WDPCP: variants seen among roughly 807,000 people sequenced by gnomAD.
WDPCP encodes WD repeat containing planar cell polarity effector.
A neutral mutation model predicts 93.1 loss-of-function variants in WDPCP; 71 were observed. The ratio of observed to expected loss-of-function variants is 0.76; its 90% CI spans 0.63 to 0.93. WDPCP has a LOEUF of 0.93. Ranked by LOEUF, WDPCP falls within the 40% of genes least tolerant of loss-of-function variation. The pLI, the probability that WDPCP is intolerant of heterozygous loss-of-function variation, is 0.00. For missense variants in WDPCP, 844 were observed against 887.4 expected (o/e 0.95, Z 0.62); for synonymous variants, 315 against 315.0 (o/e 1.00, Z 0.00).
chr2:63,453,959 G>GGCT (rs1698449492), intron 6 of WDPCP, among the ~76,000 whole-genome samples: 1 of 116,786 alleles, frequency 8.6e-6, no homozygotes, highest in African/African-American at 3.5e-5. Flanking sequence ...TGGGGTGGGG[G>GGCT]GAGGGAGGAG....
chr2:63,373,016 C>T (rs549677766), intron 12 of WDPCP, among the ~76,000 whole-genome samples: 5 of 151,940 alleles, frequency 3.3e-5, no homozygotes, highest in East Asian at 3.9e-4. Context: ...CTAGCTACCT[C>T]GGAGGATGAG....
At chr2:63,645,182 A>G in intron 3 of WDPCP, among the ~76,000 whole-genome samples, 1 of 152,034 alleles carries the variant, frequency 6.6e-6, no homozygotes, top group East Asian at 1.9e-4. Context: ...CTGTACCACA[A>G]AGGTTTTGGT....
Position 63,681,845 on chromosome 2 carries a change from C to T in WDPCP, n.309-31007G>A, listed in dbSNP as rs28775973. 3.0e-3 allele frequency among the ~76,000 whole-genome samples: 462 copies of T among 152,288 alleles called. 3 individuals are homozygous for T. The highest frequency in any genetic ancestry group is 0.011 in the African/African-American group (441 of 41,552). On this transcript the variant is annotated intron_variant and non_coding_transcript_variant, in intron 2 of 4. Transcript: ENST00000467687. ...CCAGGTGGCTTACCACAGAGAGAGA[C>T]CCTCCCTTTGTTTGAGAGAAAGTAA...
At chr2:63,593,516 C>T, upstream of WDPCP, 1 of 470,140 alleles carries the variant, frequency 2.1e-6, no homozygotes, top group Admixed American at 2.4e-5. Flanking sequence ...CGAGGCTATC[C>T]ATCCTTGTTT....
the WDPCP span, among the ~76,000 whole-genome samples, chr2:63,835,442 G>T: frequency 6.8e-6 from 1 of 147,360 alleles, no homozygotes; most frequent in African/African-American, 2.5e-5. Context: ...GAGAACTTCA[G>T]TCATTAAGAG....
intron 2 of WDPCP, among the ~76,000 whole-genome samples, chr2:63,723,344 C>T (rs1442147687): frequency 6.6e-6 from 1 of 151,422 alleles, no homozygotes; most frequent in African/African-American, 2.4e-5. Context: ...TTGGCTAATT[C>T]CTGCTTACTC....
At chr2:63,124,747 T>C (rs1317146739) in intron 17 of WDPCP, among the ~76,000 whole-genome samples, 1 of 152,244 alleles carries the variant, frequency 6.6e-6, no homozygotes, top group Non-Finnish European at 1.5e-5. Context: ...TAAAACTCCC[T>C]AATCTGAAAT....
chr2:63,727,891 T>G (rs1310413143), intron 2 of WDPCP, among the ~76,000 whole-genome samples: 1 of 152,208 alleles, frequency 6.6e-6, no homozygotes, highest in African/African-American at 2.4e-5. Flanking sequence ...ATTGTGTTTT[T>G]TGGATCTTCT....
At chr2:63,730,570 T>A (rs960849600) in intron 2 of WDPCP, among the ~76,000 whole-genome samples, 3 of 152,090 alleles carry the variant, frequency 2.0e-5, no homozygotes, top group Non-Finnish European at 4.4e-5. Context: ...TTCAAGTGAT[T>A]CTCCTGCCTT....
At chr2:63,505,523 C>T (rs1187008369) in intron 1 of WDPCP, among the ~76,000 whole-genome samples, 1 of 151,942 alleles carries the variant, frequency 6.6e-6, no homozygotes, top group Non-Finnish European at 1.5e-5. Flanking sequence ...CCATGTTTTG[C>T]CCTAAAGCCC....
chr2:63,480,831 G>C (rs1011111260), intron 6 of WDPCP, among the ~76,000 whole-genome samples: 2 of 152,070 alleles, frequency 1.3e-5, no homozygotes, highest in East Asian at 3.9e-4. Context: ...CTTAGGCAAG[G>C]ATTTCATGAC....
chr2:63,721,673 C>G (rs1228136584), intron 2 of WDPCP, among the ~76,000 whole-genome samples: 1 of 152,024 alleles, frequency 6.6e-6, no homozygotes, highest in African/African-American at 2.4e-5. Context: ...GCCATTCCCT[C>G]TACTTAGAAT....
Position 63,484,625 on chromosome 2 carries a change from C to G in WDPCP, c.363G>C (p.Trp121Cys). 6.2e-7 allele frequency: 1 copy of G among 1,612,886 alleles called. No individual in the cohort carries two copies. Residue 121 changes from tryptophan (W) to cysteine (C), a missense_variant, in exon 6 of 18, where the codon TGG (tryptophan) becomes TGC (cysteine). Transcript: ENST00000272321. ...MQNSRCVLSK[W>C]KNKYVCQLLF... ...TTACCTGACAGACATATTTGTTCTT[C>G]CATTTGCTCAGCACACACCGACTGT... is the stretch of plus-strand genomic sequence containing the variant.
chr2:63,190,101 G>A (rs1389010280), intron 14 of WDPCP, among the ~76,000 whole-genome samples: 2 of 151,884 alleles, frequency 1.3e-5, no homozygotes, highest in African/African-American at 2.4e-5. Context: ...GGGAGAGGGG[G>A]CAGAAAAAAA....
At chr2:63,188,562 G>T (rs572238708) in intron 14 of WDPCP, among the ~76,000 whole-genome samples, 1 of 151,426 alleles carries the variant, frequency 6.6e-6, no homozygotes, top group Non-Finnish European at 1.5e-5. Flanking sequence ...TTGAACTCCT[G>T]AGCTCAAGCA....
intron 3 of WDPCP, chr2:63,642,318 T>C (rs1196072851): frequency 6.6e-6 from 1 of 152,140 alleles, no homozygotes; most frequent in Non-Finnish European, 1.5e-5. Flanking sequence ...TTTATATACA[T>C]TTTAGAATTG....
intron 2 of WDPCP, among the ~76,000 whole-genome samples, chr2:63,681,409 C>T (rs1050896530): frequency 2.6e-5 from 4 of 152,240 alleles, no homozygotes; most frequent in East Asian, 3.9e-4. Context: ...TCTGGTAGTA[C>T]TCCCCATGGG....
At chr2:63,812,677 C>T (rs1419688826) in intron 2 of WDPCP, among the ~76,000 whole-genome samples, 3 of 152,102 alleles carry the variant, frequency 2.0e-5, no homozygotes, top group Non-Finnish European at 4.4e-5. Context: ...GCCTGTGACT[C>T]CTGACCCACA....
upstream of WDPCP, chr2:63,593,452 T>G (rs2106601836): frequency 2.4e-6 from 1 of 414,406 alleles, no homozygotes; most frequent in African/African-American, 2.1e-5. Context: ...AGTACCAAAT[T>G]GCTGAGTGCT....
Sources: gnomAD v4.1 joint callset for allele counts (sites outside exome capture counted in the v4.1 genomes callset) on GRCh38, gnomAD v4.1.1 for gene constraint, MANE v1.5 for transcripts, NCBI Gene and HGNC (gene_info 2026-07-23, HGNC 2026-07-21) for gene names.